The following PRKN variants were observed in gnomAD, a reference collection of about 807,000 sequenced individuals.
PRKN encodes parkin RBR E3 ubiquitin protein ligase, also known as E3 ubiquitin-protein ligase parkin.
PRKN carries 56 observed loss-of-function variants against 59.5 expected under a neutral mutation model. That is an observed-to-expected ratio of 0.94 (90% CI 0.76 to 1.18). The LOEUF is 1.18. Ranked by LOEUF, PRKN falls within the 50% of genes most tolerant of loss-of-function variation. PRKN has a pLI of 0.00. For missense variants in PRKN, 657 were observed against 596.4 expected (o/e 1.10, Z -1.06); for synonymous variants, 250 against 222.1 (o/e 1.13, Z -1.12).
intron 6 of PRKN, among the ~76,000 whole-genome samples, chr6:161,867,863 C>T (rs543113179): frequency 2.0e-5 from 3 of 151,910 alleles, no homozygotes; most frequent in Non-Finnish European, 2.9e-5. Context: ...CAGGTTCAAG[C>T]GATTCTCCTG....
At chr6:162,475,972 G>C (rs867001743) in intron 1 of PRKN, among the ~76,000 whole-genome samples, 46,592 of 150,476 alleles carry the variant, frequency 0.31, 7,418 homozygotes, top group East Asian at 0.48. Flanking sequence ...GGATGGTCTT[G>C]TTCTCACCTC....
At chr6:162,029,487 A>C (rs1783559117) in intron 5 of PRKN, among the ~76,000 whole-genome samples, 1 of 152,146 alleles carries the variant, frequency 6.6e-6, no homozygotes, top group Non-Finnish European at 1.5e-5. Flanking sequence ...TGAAATGCGT[A>C]CTTGTGCTGC....
intron 6 of PRKN, among the ~76,000 whole-genome samples, chr6:161,880,236 T>C (rs78195676): frequency 8.8e-4 from 134 of 152,338 alleles, no homozygotes; most frequent in African/African-American, 3.1e-3. Context: ...AAATTCCTTA[T>C]GCCACATGGC....
At chr6:162,082,664 C>A (rs1779103168) in intron 4 of PRKN, among the ~76,000 whole-genome samples, 1 of 152,090 alleles carries the variant, frequency 6.6e-6, no homozygotes, top group Non-Finnish European at 1.5e-5. Context: ...TGAGCTCAAT[C>A]ATCTCTAGCT....
At chr6:161,821,719 C>CTTTTTTTTTTTTTTTT (rs531807176) in intron 6 of PRKN, among the ~76,000 whole-genome samples, 17 of 64,704 alleles carry the variant, frequency 2.6e-4, no homozygotes, top group Non-Finnish European at 2.8e-4. Flanking sequence ...CACTGGTGTT[C>CTTTTTTTTTTTTTTTT]TTTTTTTTTT....
At chr6:162,687,583 T>C (rs1777620562) in intron 1 of PRKN, among the ~76,000 whole-genome samples, 1 of 152,174 alleles carries the variant, frequency 6.6e-6, no homozygotes. Flanking sequence ...CATGGTCCCC[T>C]TACTGCAGAG....
At chr6:162,279,431 A>AAAAG (rs920853566) in intron 2 of PRKN, among the ~76,000 whole-genome samples, 34 of 151,996 alleles carry the variant, frequency 2.2e-4, no homozygotes, top group East Asian at 9.7e-4. Context: ...GAAAGAAAGA[A>AAAAG]AAAGAAAGAA....
At chr6:161,991,424 C>A (rs144043061) in intron 5 of PRKN, among the ~76,000 whole-genome samples, 1 of 151,982 alleles carries the variant, frequency 6.6e-6, no homozygotes, top group Non-Finnish European at 1.5e-5. Context: ...AAAGCATATG[C>A]GAAACAACCA....
chr6:161,941,456 C>T (rs1480990568), intron 6 of PRKN, among the ~76,000 whole-genome samples: 2 of 152,186 alleles, frequency 1.3e-5, no homozygotes, highest in African/African-American at 2.4e-5. Flanking sequence ...TTCTGGCTCC[C>T]CCAGCTGCTG....
chr6:162,345,560 A>C (rs78163132), intron 2 of PRKN, among the ~76,000 whole-genome samples: 1,865 of 152,306 alleles, frequency 0.012, 34 homozygotes, highest in African/African-American at 0.043. Flanking sequence ...TTATTCACAA[A>C]GGCCGTATAA....
chr6:161,823,310 C>T (rs1214528223), intron 6 of PRKN, among the ~76,000 whole-genome samples: 1 of 152,044 alleles, frequency 6.6e-6, no homozygotes. Context: ...GGCAGCAAAT[C>T]ATGAAATAAA....
At position 161,440,750 on chromosome 6, in the gene PRKN, C is replaced by G. The variant is rs1173089055; in HGVS notation, c.1084-53873G>C. ...ATATTTCCAATGCCACCTGAAGGTC[C>G]TGAGAGCTCCCTGACATCATTCAGG... On this transcript the variant is annotated intron_variant, in intron 9 of 11. Transcript: ENST00000366898. The surrounding 1 kb of genome is among the most constrained non-coding windows in gnomAD (Gnocchi z 4.1). Among the ~76,000 whole-genome samples, 1 of 152,134 alleles carries G rather than the reference C, an allele frequency of 6.6e-6. No individual in the cohort carries two copies. Among genetic ancestry groups the G allele is most frequent in the Non-Finnish European group, 1.5e-5 (1 of 68,022 alleles).
chr6:161,766,314 A>ATTTTTTTTTTTTT (rs758294050), intron 7 of PRKN, among the ~76,000 whole-genome samples: 3 of 139,640 alleles, frequency 2.1e-5, no homozygotes, highest in African/African-American at 5.4e-5. Context: ...CATTGACCAC[A>ATTTTTTTTTTTTT]TTTTTTTTTT....
intron 3 of PRKN, among the ~76,000 whole-genome samples, chr6:162,213,537 G>C (rs954698056): frequency 6.6e-6 from 1 of 151,992 alleles, no homozygotes; most frequent in Non-Finnish European, 1.5e-5. Flanking sequence ...ATCAGCCTGG[G>C]CAGCACAGTG....
At chr6:161,557,612 G>C (rs988900366) in intron 8 of PRKN, among the ~76,000 whole-genome samples, 4 of 152,162 alleles carry the variant, frequency 2.6e-5, no homozygotes, top group Non-Finnish European at 5.9e-5. Context: ...TCCTCTGTAG[G>C]AGAGAACAGG....
At chr6:162,061,562 G>A (rs911178714) in intron 4 of PRKN, among the ~76,000 whole-genome samples, 1 of 152,022 alleles carries the variant, frequency 6.6e-6, no homozygotes, top group Non-Finnish European at 1.5e-5. Context: ...AGCATGTATC[G>A]CCCTCTGTCA....
At chr6:161,823,214 G>C (rs956647566) in intron 6 of PRKN, among the ~76,000 whole-genome samples, 1 of 151,902 alleles carries the variant, frequency 6.6e-6, no homozygotes, top group African/African-American at 2.4e-5. Flanking sequence ...TGGGATTGCA[G>C]GTGTGAGCCA....
At chr6:161,906,306 C>T (rs1012876274) in intron 6 of PRKN, among the ~76,000 whole-genome samples, 1 of 152,170 alleles carries the variant, frequency 6.6e-6, no homozygotes, top group Non-Finnish European at 1.5e-5. Context: ...AACTCGTTTA[C>T]ACATTTGATA....
chr6:162,680,952 T>C lies in PRKN; in HGVS notation c.7+46710A>G, dbSNP rs540765187. ...AATATTGGAAAAGGCACCATTATAT[T>C]CAAGCCTCACTTTCAAGTAGATAAT... On this transcript the variant is annotated intron_variant, in intron 1 of 11. Transcript: ENST00000366898. Among the ~76,000 whole-genome samples the C allele has an allele frequency of 2.0e-5, 3 of 152,280 alleles. No individual in the cohort carries two copies. The East Asian group carries it at 5.8e-4, about 29-fold the overall frequency.
Sources: allele counts gnomAD v4.1 joint callset (sites outside exome capture counted in the v4.1 genomes callset), GRCh38; gene constraint gnomAD v4.1.1; non-coding constraint Gnocchi (gnomAD v3.1); transcripts MANE v1.5; gene names NCBI Gene and HGNC (gene_info 2026-07-23, HGNC 2026-07-21).